Variants in APOL4 observed in about 807,000 individuals in gnomAD.
The protein encoded by APOL4 is apolipoprotein L4.
A neutral mutation model predicts 12.1 loss-of-function variants in APOL4; 14 were observed. The ratio of observed to expected loss-of-function variants is 1.16; its 90% CI spans 0.76 to 1.81. The LOEUF (loss-of-function observed/expected upper bound fraction) is 1.81, where lower values mean the gene tolerates loss of function less well. APOL4 is among the 40% of genes most tolerant of loss of function. APOL4 has a pLI of 0.00. For synonymous variants in APOL4, 171 were observed against 160.6 expected (o/e 1.06, Z -0.49); for missense variants, 432 against 423.1 (o/e 1.02, Z -0.18).
Position 36,190,223 on chromosome 22 carries a change from G to A in APOL4, c.*852C>T, listed in dbSNP as rs866384653. ...GGGAGTGTATGAATAGGGTGTGGGT[G>A]TGGGTCACAAAGATCACCTACTTCA... On this transcript the variant is annotated 3_prime_UTR_variant, in exon 4 of 4. Coordinates refer to ENST00000683024, the MANE Select transcript of APOL4 (RefSeq NM_001386885.1). 2 of 132,702 alleles carry A rather than the reference G, an allele frequency of 1.5e-5. No homozygotes were observed. The highest frequency in any genetic ancestry group is 3.0e-5 in the African/African-American group (1 of 33,362). 8.2% of individuals were successfully genotyped at this position (132,702 alleles called of 1,614,324 possible).
intron 3 of APOL4, among the ~76,000 whole-genome samples, chr22:36,194,918 A>G (rs1004105443): frequency 6.6e-6 from 1 of 152,250 alleles, no homozygotes; most frequent in Non-Finnish European, 1.5e-5. Flanking sequence ...TCTTGCCAGC[A>G]AGTTTTGTAA....
Position 36,189,250 on chromosome 22 carries a change from A to C in APOL4, c.*1825T>G, listed in dbSNP as rs1383486161. On this transcript the variant is annotated 3_prime_UTR_variant, in exon 4 of 4. Coordinates refer to ENST00000683024, the MANE Select transcript of APOL4 (RefSeq NM_001386885.1). The stretch of plus-strand genomic sequence containing the variant: ...TTAATTTTCTGGCTCTTTGTCTACT[A>C]TATATGAGCAACGAGACTTTTACTT... The C allele has an allele frequency of 6.6e-6, 1 of 152,188 alleles. No individual in the cohort carries two copies. Among genetic ancestry groups the C allele is most frequent in the Non-Finnish European group, 1.5e-5 (1 of 68,054 alleles). The allele number at this position is 152,188 out of a possible 1,614,324, so 9.4% of individuals were successfully genotyped here. A position where few individuals can be genotyped will look rare whatever the true frequency, so the allele number is the denominator to read the frequency against.
At chr22:36,192,142 C>A (rs1213865769) in intron 3 of APOL4, among the ~76,000 whole-genome samples, 1 of 152,132 alleles carries the variant, frequency 6.6e-6, no homozygotes, top group Admixed American at 6.5e-5. Flanking sequence ...AGATCGAGAC[C>A]ATCCTAGCTA....
intron 3 of APOL4, among the ~76,000 whole-genome samples, chr22:36,192,516 C>G (rs80323977): frequency 0.027 from 4,181 of 152,258 alleles, 173 homozygotes; most frequent in African/African-American, 0.095. Context: ...AATGCCATCA[C>G]TACCAGGGTG....
Position 36,189,932 on chromosome 22 carries a change from T to C in APOL4, c.*1143A>G. 1 of 202,158 alleles carries C rather than the reference T, an allele frequency of 4.9e-6. No individual in the cohort carries two copies. Among genetic ancestry groups the C allele is most frequent in the Non-Finnish European group, 1.1e-5 (1 of 94,898 alleles). 12.5% of individuals were successfully genotyped at this position (202,158 alleles called of 1,614,324 possible). ...TATTCCCCTAAAAAATGTCTGCGTT[T>C]TGTCCCGGCCTGTGTCTGGCTCACC... On this transcript the variant is annotated 3_prime_UTR_variant, in exon 4 of 4. Transcript: ENST00000683024.
In APOL4 at chr22:36,191,507, A is replaced by C. The variant is rs1280305456; in HGVS notation, c.615T>G (p.Thr205=). 6.2e-7 allele frequency: 1 copy of C among 1,614,080 alleles called. No homozygotes were observed. Among genetic ancestry groups the C allele is most frequent in the Admixed American group, 1.7e-5 (1 of 60,034 alleles). The change falls in exon 4 of 4, where the codon ACT becomes ACG. Residue 205 remains threonine, a synonymous_variant. Transcript: ENST00000683024. ...RSAELTASRL[T]ATSTDQLEAL... ...CCTCCAATTGGTCAGTGCTGGTTGCAGTCAGCCTGCTGGCTGTGAGTTCTG... is the reference window on the plus strand; with the variant it reads ...CCTCCAATTGGTCAGTGCTGGTTGCCGTCAGCCTGCTGGCTGTGAGTTCTG...
chr22:36,195,776 T>TCTCTCACA (rs1300442097), intron 2 of APOL4, among the ~76,000 whole-genome samples: 1 of 96,986 alleles, frequency 1.0e-5, no homozygotes, highest in African/African-American at 3.5e-5. Context: ...TCTCTCTCTC[T>TCTCTCACA]CACACACACA....
chr22:36,195,313 G>A lies in APOL4; in HGVS notation c.207C>T (p.Pro69=). The part of the protein sequence containing the change: ...WKRFVRVAEL[P]REEADALYEA... Reference sequence around the variant, plus strand: ...GGAGGTAACCCCATGGAGGTTACCTGGGCAATTCAGCCACACGCACAAATC... The same window carrying A: ...GGAGGTAACCCCATGGAGGTTACCTAGGCAATTCAGCCACACGCACAAATC... The change falls in exon 3 of 4, where the codon CCC becomes CCT. Residue 69 remains proline (P), a splice_region_variant and synonymous_variant. Transcript: ENST00000683024. 6.2e-7 allele frequency: 1 copy of A among 1,613,772 alleles called. No homozygotes were observed. Among genetic ancestry groups the A allele is most frequent in the Non-Finnish European group, 8.5e-7 (1 of 1,179,770 alleles).
At chr22:36,203,270 G>A (rs1489740731), upstream of APOL4, among the ~76,000 whole-genome samples, 1 of 152,156 alleles carries the variant, frequency 6.6e-6, no homozygotes, top group African/African-American at 2.4e-5. Flanking sequence ...GGGGGTCACC[G>A]CCTTCTGGTC....
At chr22:36,197,844 A>C in intron 2 of APOL4, 2 of 1,544,548 alleles carry the variant, frequency 1.3e-6, no homozygotes, top group Non-Finnish European at 1.7e-6. Context: ...GACAAACAGG[A>C]AGTGGCCAAT....
rs559283935 is a variant in APOL4 at position 36,201,798 on chromosome 22, T to C, written c.-64A>G. 1.4e-4 allele frequency: 219 copies of C among 1,579,944 alleles called. 2 individuals are homozygous for C. The East Asian group carries it at 4.9e-3, about 35-fold the overall frequency. On this transcript the variant is annotated 5_prime_UTR_variant, in exon 1 of 4. Coordinates refer to ENST00000683024, the MANE Select transcript of APOL4 (RefSeq NM_001386885.1). ...TGGGGCCTCTGCTGAATGTTGAGGC[T>C]GGATACTGACTGTTAGCCTCAACTA...
upstream of APOL4, chr22:36,204,698 C>A: frequency 2.0e-6 from 1 of 512,014 alleles, no homozygotes. Flanking sequence ...TCACCTCCAG[C>A]TGTGCACCTA....
chr22:36,193,742 C>A (rs1420411198), intron 3 of APOL4, among the ~76,000 whole-genome samples: 2 of 152,210 alleles, frequency 1.3e-5, no homozygotes, highest in Non-Finnish European at 2.9e-5. Flanking sequence ...GGCATGTTCT[C>A]TCTTCCAATG....
chr22:36,195,774 T>TCACACA (rs1377669888), intron 2 of APOL4, among the ~76,000 whole-genome samples: 6 of 66,014 alleles, frequency 9.1e-5, no homozygotes, highest in Admixed American at 6.2e-4. Flanking sequence ...TCTCTCTCTC[T>TCACACA]CTCACACACA....
At chr22:36,194,878 T>A (rs1947006857) in intron 3 of APOL4, among the ~76,000 whole-genome samples, 1 of 152,218 alleles carries the variant, frequency 6.6e-6, no homozygotes, top group African/African-American at 2.4e-5. Context: ...TGGGCTTCCA[T>A]CTCTAAGAAA....
At chr22:36,197,358 G>A (rs1167952869) in intron 2 of APOL4, 3 of 331,596 alleles carry the variant, frequency 9.0e-6, no homozygotes, top group Non-Finnish European at 1.6e-5. Flanking sequence ...GGAAATGAAC[G>A]CAGTGCTGAC....
chr22:36,202,476 C>T (rs2014612201), upstream of APOL4, among the ~76,000 whole-genome samples: 1 of 152,142 alleles, frequency 6.6e-6, no homozygotes, highest in Non-Finnish European at 1.5e-5. Context: ...GCCTGTAATC[C>T]CAGCACTTTG....
upstream of APOL4, among the ~76,000 whole-genome samples, chr22:36,202,727 G>A (rs2014700): frequency 0.49 from 73,424 of 148,690 alleles, 19,221 homozygotes; most frequent in East Asian, 0.91. Context: ...CTCCATCTCA[G>A]AAAAAAGAAA....
chr22:36,203,257 CA>C (rs2014636039), upstream of APOL4, among the ~76,000 whole-genome samples: 1 of 152,158 alleles, frequency 6.6e-6, no homozygotes, highest in Non-Finnish European at 1.5e-5. Context: ...AAGCTGGGTC[CA>C]GGGGGGTCAC....
Sources: gnomAD v4.1 joint callset for allele counts (sites outside exome capture counted in the v4.1 genomes callset) on GRCh38, gnomAD v4.1.1 for gene constraint, MANE v1.5 for transcripts, NCBI Gene and HGNC (gene_info 2026-07-23, HGNC 2026-07-21) for gene names.